The following PCDH7 variants were observed in gnomAD, a reference collection of about 807,000 sequenced individuals.
PCDH7 encodes the protein protocadherin-7.
A neutral mutation model predicts 58.9 loss-of-function variants in PCDH7; 17 were observed. The observed-to-expected ratio is 0.29, with a 90% CI of 0.20 to 0.43. PCDH7 has a LOEUF of 0.43. Ranked by LOEUF, PCDH7 falls within the 20% of genes least tolerant of loss-of-function variation. The probability of loss-of-function intolerance (pLI) is 1.00; values close to 1 mark genes in which losing one functional copy is unlikely to be tolerated. For missense variants in PCDH7, 1,274 were observed against 1,441.0 expected (o/e 0.88, Z 1.88); for synonymous variants, 664 against 616.4 (o/e 1.08, Z -1.14).
At chr4:30,727,533 A>G (rs1290980525) in intron 1 of PCDH7, among the ~76,000 whole-genome samples, 1 of 151,974 alleles carries the variant, frequency 6.6e-6, no homozygotes, top group Non-Finnish European at 1.5e-5. Context: ...TTCATAGTTC[A>G]TACCTTTGCA....
Position 30,766,327 on chromosome 4 carries a change from T to G in PCDH7, c.70+41731T>G, listed in dbSNP as rs182677688. 9.2e-5 allele frequency among the ~76,000 whole-genome samples: 14 copies of G among 152,170 alleles called. No homozygotes were observed. In the East Asian group the frequency reaches 2.7e-3, roughly 29 times the overall value. ...GGGGGATCCCTTGAGCCCAGGAGTT[T>G]GAGACCAACCTGGGCAACACAAGAA... On this transcript the variant is annotated intron_variant, in intron 1 of 3. Transcript: ENST00000509759.
chr4:31,061,768 G>T (rs561114291), intron 3 of PCDH7, among the ~76,000 whole-genome samples: 2 of 151,766 alleles, frequency 1.3e-5, no homozygotes, highest in South Asian at 4.1e-4. Flanking sequence ...GATTGAAAGT[G>T]AAATTTTTAC....
intron 1 of PCDH7, among the ~76,000 whole-genome samples, chr4:30,725,510 C>T (rs1390562515): frequency 6.6e-6 from 1 of 152,112 alleles, no homozygotes; most frequent in Non-Finnish European, 1.5e-5. Flanking sequence ...GGAACTTAAG[C>T]AAATCTGAAA....
intron 3 of PCDH7, among the ~76,000 whole-genome samples, chr4:31,091,290 T>C (rs976698344): frequency 3.3e-5 from 5 of 152,006 alleles, no homozygotes; most frequent in Admixed American, 3.3e-4. Flanking sequence ...GTGTGCATTT[T>C]TAGCATTCAT....
At chr4:31,127,953 AG>A (rs1484263830) in intron 3 of PCDH7, among the ~76,000 whole-genome samples, 1 of 151,868 alleles carries the variant, frequency 6.6e-6, no homozygotes, top group Non-Finnish European at 1.5e-5. Flanking sequence ...ACTCAAAATA[AG>A]AAATTCATTT....
intron 3 of PCDH7, among the ~76,000 whole-genome samples, chr4:31,046,120 A>G (rs570690179): frequency 3.9e-5 from 6 of 152,092 alleles, no homozygotes; most frequent in African/African-American, 1.4e-4. Context: ...ATATCTGTAT[A>G]CAAGTTTTAT....
At chr4:30,742,175 G>A (rs1321534241) in intron 1 of PCDH7, among the ~76,000 whole-genome samples, 1 of 152,016 alleles carries the variant, frequency 6.6e-6, no homozygotes, top group Non-Finnish European at 1.5e-5. Flanking sequence ...TTTGATTTTT[G>A]ATTTTTTTTT....
intron 3 of PCDH7, among the ~76,000 whole-genome samples, chr4:31,080,975 GA>G (rs1560629565): frequency 6.6e-6 from 1 of 152,204 alleles, no homozygotes; most frequent in Non-Finnish European, 1.5e-5. Context: ...CGCCATGTAA[GA>G]CATGCCTTTC....
At chr4:30,846,508 T>G (rs1024558312) in intron 1 of PCDH7, among the ~76,000 whole-genome samples, 2 of 151,600 alleles carry the variant, frequency 1.3e-5, no homozygotes, top group Non-Finnish European at 1.5e-5. Flanking sequence ...TTAAATAAAC[T>G]GCCCGGTCTG....
chr4:30,794,670 C>G (rs1724559583), intron 1 of PCDH7, among the ~76,000 whole-genome samples: 1 of 147,696 alleles, frequency 6.8e-6, no homozygotes, highest in South Asian at 2.2e-4. Flanking sequence ...TTCAAAGGCT[C>G]ACTTTTTTTT....
Position 31,053,598 on chromosome 4 carries a change from T to A in PCDH7, c.*8-88875T>A, listed in dbSNP as rs76285672. On this transcript the variant is annotated intron_variant, in intron 3 of 3. Coordinates refer to the PCDH7 transcript ENST00000509759. The stretch of plus-strand genomic sequence containing the variant: ...AAAAATGAAAATAAAAAATAAAAAA[T>A]CAGTTTGATTTCTTTATCTTCTGCT... 9.7e-3 allele frequency among the ~76,000 whole-genome samples: 1,476 copies of A among 152,144 alleles called. 20 individuals are homozygous for A. The highest frequency in any genetic ancestry group is 0.034 in the African/African-American group (1,418 of 41,504).
intron 1 of PCDH7, among the ~76,000 whole-genome samples, chr4:30,816,992 G>A (rs1372857015): frequency 6.6e-6 from 1 of 152,150 alleles, no homozygotes; most frequent in East Asian, 1.9e-4. Flanking sequence ...CGAGCACATA[G>A]AGAGTACAGA....
chr4:30,948,281 C>T (rs1386906038), intron 2 of PCDH7, among the ~76,000 whole-genome samples: 1 of 149,218 alleles, frequency 6.7e-6, no homozygotes, highest in Admixed American at 6.7e-5. Flanking sequence ...ATATTAGCAA[C>T]TCATATGCAA....
intron 1 of PCDH7, among the ~76,000 whole-genome samples, chr4:30,787,664 A>G (rs1723591778): frequency 1.3e-5 from 2 of 152,072 alleles, no homozygotes; most frequent in African/African-American, 4.8e-5. Flanking sequence ...AAATTTATTG[A>G]GGATGAATTG....
chr4:30,899,290 AG>A (rs1259685512), intron 1 of PCDH7, among the ~76,000 whole-genome samples: 1 of 152,196 alleles, frequency 6.6e-6, no homozygotes, highest in East Asian at 1.9e-4. Flanking sequence ...GAGGCCCGTA[AG>A]GTATTGCTGT....
At chr4:30,856,955 ACT>A (rs1733543998) in intron 1 of PCDH7, among the ~76,000 whole-genome samples, 2 of 151,654 alleles carry the variant, frequency 1.3e-5, no homozygotes, top group Admixed American at 6.6e-5. Flanking sequence ...TCTTCAAATG[ACT>A]CTACTTTGTC....
chr4:31,113,615 C>T (rs1439502176), intron 3 of PCDH7, among the ~76,000 whole-genome samples: 1 of 152,002 alleles, frequency 6.6e-6, no homozygotes, highest in African/African-American at 2.4e-5. Context: ...CCAAAGCTTA[C>T]TTAAATAAAA....
rs112721848 is a variant in PCDH7 at position 30,805,844 on chromosome 4, A to G, written c.70+81248A>G. Among the ~76,000 whole-genome samples the G allele has an allele frequency of 2.0e-4, 30 of 152,320 alleles. 1 individual carries two copies. The highest frequency in any genetic ancestry group is 6.3e-4 in the African/African-American group (26 of 41,586). On this transcript the variant is annotated intron_variant, in intron 1 of 3. Coordinates refer to the PCDH7 transcript ENST00000509759. ...TTTGCTCTGTTTCTCTGACACTTCT[A>G]TGCTTCTTACAATACATTCTCCATG...
At chr4:30,996,808 T>C (rs1023206519) in intron 3 of PCDH7, among the ~76,000 whole-genome samples, 4 of 152,196 alleles carry the variant, frequency 2.6e-5, no homozygotes, top group African/African-American at 9.7e-5. Flanking sequence ...GAGTTTTTTC[T>C]TTTACACAAA....
Sources: allele counts gnomAD v4.1 joint callset (sites outside exome capture counted in the v4.1 genomes callset), GRCh38; gene constraint gnomAD v4.1.1; transcripts MANE v1.5; gene names NCBI Gene and HGNC (gene_info 2026-07-23, HGNC 2026-07-21).